The following PREX2 variants were observed in gnomAD, a reference collection of about 807,000 sequenced individuals.
PREX2 encodes phosphatidylinositol 3,4,5-trisphosphate-dependent Rac exchanger 2 protein.
Under a neutral mutation model 203.2 loss-of-function variants are expected in PREX2, and 107 were observed. The ratio of observed to expected loss-of-function variants is 0.53; its 90% CI spans 0.45 to 0.62. The LOEUF is 0.62. Among genes scored for constraint, PREX2 ranks in the 20% least tolerant of loss-of-function variants. PREX2 has a pLI of 0.00. For missense variants in PREX2, 1,777 were observed against 1,955.9 expected (o/e 0.91, Z 1.72); for synonymous variants, 672 against 663.6 (o/e 1.01, Z -0.19).
intron 8 of PREX2, among the ~76,000 whole-genome samples, chr8:68,052,576 T>A (rs2129611119): frequency 6.6e-6 from 1 of 152,336 alleles, no homozygotes; most frequent in South Asian, 2.1e-4. Context: ...ATTTGTATGT[T>A]TCCATTTATT....
At chr8:68,132,076 A>G (rs1811021091) in intron 31 of PREX2, among the ~76,000 whole-genome samples, 1 of 152,184 alleles carries the variant, frequency 6.6e-6, no homozygotes, top group South Asian at 2.1e-4. Flanking sequence ...CTAACAAGCT[A>G]TCTGAATTAG....
chr8:68,055,189 C>T (rs1808637969), intron 9 of PREX2, among the ~76,000 whole-genome samples: 1 of 152,192 alleles, frequency 6.6e-6, no homozygotes, highest in African/African-American at 2.4e-5. Flanking sequence ...GGTTAAAACA[C>T]TTAGCTGCAT....
intron 23 of PREX2, among the ~76,000 whole-genome samples, chr8:68,104,632 T>C (rs1292063939): frequency 2.0e-5 from 3 of 152,208 alleles, no homozygotes; most frequent in Non-Finnish European, 2.9e-5. Flanking sequence ...TCAATTTTGT[T>C]TTCAGTTACA....
At chr8:68,011,618 G>A (rs1358584375) in intron 1 of PREX2, among the ~76,000 whole-genome samples, 1 of 152,046 alleles carries the variant, frequency 6.6e-6, no homozygotes, top group Non-Finnish European at 1.5e-5. Flanking sequence ...AAGAGAGGCT[G>A]TAATTATTGA....
intron 31 of PREX2, among the ~76,000 whole-genome samples, chr8:68,129,179 A>G (rs367568024): frequency 3.2e-4 from 49 of 152,324 alleles, no homozygotes; most frequent in African/African-American, 1.2e-3. Context: ...TGGAGCATCT[A>G]GAAGGTTAGG....
At chr8:68,148,910 T>A (rs1030054244) in intron 34 of PREX2, among the ~76,000 whole-genome samples, 21 of 152,304 alleles carry the variant, frequency 1.4e-4, no homozygotes, top group South Asian at 2.1e-4. Context: ...ATTCATAGAT[T>A]GAGAGAAGTA....
intron 11 of PREX2, among the ~76,000 whole-genome samples, chr8:68,068,014 T>C (rs1034088612): frequency 4.3e-4 from 65 of 152,214 alleles, no homozygotes; most frequent in Middle Eastern, 3.4e-3. Context: ...TGCATCATAA[T>C]TTTTCATTTG....
At chr8:68,190,046 CTG>C (rs1050604138) in intron 35 of PREX2, among the ~76,000 whole-genome samples, 3 of 152,132 alleles carry the variant, frequency 2.0e-5, no homozygotes, top group African/African-American at 7.2e-5. Flanking sequence ...GGGAATATCA[CTG>C]TGTGTGGGTG....
intron 1 of PREX2, among the ~76,000 whole-genome samples, chr8:67,967,447 G>A (rs1024571153): frequency 1.3e-4 from 20 of 152,210 alleles, no homozygotes; most frequent in African/African-American, 4.8e-4. Context: ...ATTTTGTGGA[G>A]TGTTTTGTCA....
intron 37 of PREX2, among the ~76,000 whole-genome samples, chr8:68,193,122 T>G (rs1812329326): frequency 6.6e-6 from 1 of 152,230 alleles, no homozygotes; most frequent in Non-Finnish European, 1.5e-5. Flanking sequence ...TTCCTGTAGA[T>G]ACATCAGACT....
intron 3 of PREX2, among the ~76,000 whole-genome samples, chr8:68,020,161 C>T (rs1243914066): frequency 6.6e-6 from 1 of 152,118 alleles, no homozygotes; most frequent in Non-Finnish European, 1.5e-5. Flanking sequence ...CTGAGCAGTG[C>T]AGATGCAATA....
In PREX2 at chr8:68,235,463, C is replaced by A. The variant is rs1409520522; in HGVS notation, c.*4085C>A. ...TTTCATTAACACATATATATACTAA[C>A]CAATTTGCTAAATGAATTGTCGGTT... On this transcript the variant is annotated 3_prime_UTR_variant, in exon 40 of 40. Transcript: ENST00000288368. 1 of 152,080 alleles carries A rather than the reference C, an allele frequency of 6.6e-6. No individual in the cohort carries two copies. The highest frequency in any genetic ancestry group is 1.5e-5 in the Non-Finnish European group (1 of 67,994). 9.4% of individuals were successfully genotyped at this position (152,080 alleles called of 1,614,324 possible).
intron 1 of PREX2, among the ~76,000 whole-genome samples, chr8:67,984,255 G>A (rs1002273346): frequency 3.3e-5 from 5 of 151,960 alleles, no homozygotes; most frequent in Non-Finnish European, 5.9e-5. Context: ...ATACACATCC[G>A]TGTCCCCTAC....
chr8:68,089,132 C>T lies in PREX2; in HGVS notation c.2113+1323C>T, dbSNP rs537857305. On this transcript the variant is annotated intron_variant, in intron 19 of 39. Coordinates refer to ENST00000288368, the MANE Select transcript of PREX2 (RefSeq NM_024870.4). ...CCAGCATCCCCAGGCTCCCCTGCCT[C>T]CCACCCTCAGCTGCATTCTAGCTAC... Among the ~76,000 whole-genome samples the T allele has an allele frequency of 2.0e-5, 3 of 151,938 alleles. No homozygotes were observed. In the South Asian group the frequency reaches 6.3e-4, roughly 32 times the overall value.
intron 31 of PREX2, among the ~76,000 whole-genome samples, chr8:68,129,503 T>C (rs1190923760): frequency 6.6e-6 from 1 of 152,170 alleles, no homozygotes; most frequent in Non-Finnish European, 1.5e-5. Flanking sequence ...GACTGTGTCT[T>C]TTAAATATTC....
chr8:68,120,126 G>C, intron 28 of PREX2, 70 bp from the exon 29 acceptor site: 1 of 1,008,660 alleles, frequency 9.9e-7, no homozygotes, highest in Non-Finnish European at 1.5e-6. Flanking sequence ...TATTTTATAA[G>C]ATTTACTTTT....
chr8:68,001,517 C>T (rs1188049391), intron 1 of PREX2, among the ~76,000 whole-genome samples: 1 of 152,118 alleles, frequency 6.6e-6, no homozygotes, highest in African/African-American at 2.4e-5. Flanking sequence ...TAGTTCAACC[C>T]TTATGAAAAG....
chr8:68,044,240 C>T (rs1208502747), intron 7 of PREX2, among the ~76,000 whole-genome samples: 1 of 152,082 alleles, frequency 6.6e-6, no homozygotes, highest in African/African-American at 2.4e-5. Context: ...ACTCTCCCAC[C>T]TGTGTACTAT....
chr8:68,080,184 AAGTT>A (rs1371074465), intron 15 of PREX2, among the ~76,000 whole-genome samples: 16 of 152,210 alleles, frequency 1.1e-4, no homozygotes, highest in Non-Finnish European at 1.9e-4. Flanking sequence ...AAATTTTAAA[AAGTT>A]AGCCTTAGAA....
Sources: allele counts gnomAD v4.1 joint callset (sites outside exome capture counted in the v4.1 genomes callset), GRCh38; gene constraint gnomAD v4.1.1; transcripts MANE v1.5; gene names NCBI Gene and HGNC (gene_info 2026-07-23, HGNC 2026-07-21).